The following EPRS1 variants were observed in gnomAD, a reference collection of about 807,000 sequenced individuals.
EPRS1 encodes the protein glutamyl-prolyl-tRNA synthetase 1, also known as bifunctional glutamate/proline--tRNA ligase.
In EPRS1, 107 loss-of-function variants were observed where a neutral mutation model predicts 188.3. That is an observed-to-expected ratio of 0.57 (90% CI 0.49 to 0.67). EPRS1 has a LOEUF of 0.67. Ranked by LOEUF, EPRS1 falls within the 30% of genes least tolerant of loss-of-function variation. EPRS1 has a pLI of 0.00. For synonymous variants in EPRS1, 596 were observed against 593.1 expected (o/e 1.00, Z -0.07); for missense variants, 1,577 against 1,802.2 (o/e 0.88, Z 2.26).
rs2102562251 is a variant in EPRS1, at chr1:219,978,630, T to C, written c.3999A>G (p.Arg1333=). 1 of 1,612,790 alleles carries C rather than the reference T, an allele frequency of 6.2e-7. No homozygotes were observed. ...TAACGCGGATGTTAACACTGAGTAA[T>C]CGCCTTCGATAATCATTGCATTTTG... is the stretch of plus-strand genomic sequence containing the variant. ...LIAKCNDYRR[R]LLSVNIRVRA... Residue 1333 remains arginine, a synonymous_variant, in exon 28 of 32, where the codon CGA becomes CGG. Transcript: ENST00000366923.
chr1:220,046,426 G>A lies in EPRS1; in HGVS notation c.-38C>T, dbSNP rs747690999. The A allele has an allele frequency of 3.1e-6, 5 of 1,613,076 alleles. No homozygotes were observed. Among genetic ancestry groups the A allele is most frequent in the Non-Finnish European group, 3.4e-6 (4 of 1,179,730 alleles). The stretch of plus-strand genomic sequence containing the variant: ...GCTGGTCCACCTGTCAGTACGCCTG[G>A]CTCGTGCCAGAACTACGGAGGACCC... On this transcript the variant is annotated 5_prime_UTR_variant, in exon 1 of 32. Coordinates refer to ENST00000366923, the MANE Select transcript of EPRS1 (RefSeq NM_004446.3).
At chr1:220,000,806 G>T (rs1661335734) in intron 17 of EPRS1, among the ~76,000 whole-genome samples, 1 of 152,004 alleles carries the variant, frequency 6.6e-6, no homozygotes, top group Non-Finnish European at 1.5e-5. Flanking sequence ...CATGGCAAAA[G>T]CCTGTCTCTA....
chr1:220,021,347 C>T (rs1661874892), intron 9 of EPRS1, among the ~76,000 whole-genome samples: 1 of 151,992 alleles, frequency 6.6e-6, no homozygotes, highest in African/African-American at 2.4e-5. Context: ...TGCCACCATA[C>T]CTGGCTAGTT....
chr1:219,968,821 A>G lies in EPRS1; in HGVS notation c.4524T>C (p.Phe1508=), dbSNP rs1461654685. 6.2e-7 allele frequency: 1 copy of G among 1,614,168 alleles called. No homozygotes were observed. Among genetic ancestry groups the G allele is most frequent in the African/African-American group, 1.3e-5 (1 of 75,040 alleles). ...GKNPAKYYTL[F]GRSY ...CGTTCATCCCTCAGTAGCTGCGACCAAATAAGGTGTAGTACTTGGCAGGGT... is the reference window on the plus strand; with the variant it reads ...CGTTCATCCCTCAGTAGCTGCGACCGAATAAGGTGTAGTACTTGGCAGGGT... The change falls in exon 32 of 32, where the codon TTT becomes TTC. Residue 1508 remains phenylalanine (F), a synonymous_variant. Transcript: ENST00000366923.
chr1:219,989,068 A>G (rs1325107495), intron 18 of EPRS1, among the ~76,000 whole-genome samples: 1 of 152,184 alleles, frequency 6.6e-6, no homozygotes, highest in South Asian at 2.1e-4. Context: ...TACTTAAGTA[A>G]ACAGACAAAT....
At chr1:220,008,318 C>T (rs12140664) in intron 13 of EPRS1, among the ~76,000 whole-genome samples, 95,288 of 151,414 alleles carry the variant, frequency 0.63, 31,824 homozygotes, top group Non-Finnish European at 0.75. Flanking sequence ...AATTTTCTGC[C>T]TTTCTAGTGT....
intron 12 of EPRS1, among the ~76,000 whole-genome samples, chr1:220,013,518 G>GA (rs898263108): frequency 8.8e-5 from 13 of 146,980 alleles, no homozygotes; most frequent in African/African-American, 1.5e-4. Flanking sequence ...AACCTGCTTT[G>GA]AAAAAAAAAA....
chr1:220,032,780 C>A lies in EPRS1; in HGVS notation c.389-254G>T, dbSNP rs184744204. ...AGCTGGGCATGCTGGTTTCTTGGGA[C>A]CTGGTGAGGGTGGATGATTACAAAG... On this transcript the variant is annotated intron_variant, in intron 4 of 31. Transcript: ENST00000366923. Among the ~76,000 whole-genome samples the A allele has an allele frequency of 5.3e-5, 8 of 151,930 alleles. No individual in the cohort carries two copies. The East Asian group carries it at 1.5e-3, about 29-fold the overall frequency.
intron 13 of EPRS1, among the ~76,000 whole-genome samples, chr1:220,010,533 C>T (rs1399683599): frequency 6.6e-6 from 1 of 152,068 alleles, no homozygotes; most frequent in African/African-American, 2.4e-5. Context: ...TCATCTCAGC[C>T]TGGCGCAGTG....
intron 14 of EPRS1, 84 bp downstream of exon 14, chr1:220,007,118 C>G: frequency 8.1e-7 from 1 of 1,240,248 alleles, no homozygotes; most frequent in East Asian, 2.5e-5. Flanking sequence ...ATGTATGGGT[C>G]TGAATTTGGT....
chr1:220,024,691 T>C (rs1380661509), intron 7 of EPRS1, among the ~76,000 whole-genome samples: 1 of 152,208 alleles, frequency 6.6e-6, no homozygotes, highest in African/African-American at 2.4e-5. Flanking sequence ...GAGTTTTCCA[T>C]TTACTTTGGA....
At chr1:220,033,753 T>G (rs952629747) in intron 3 of EPRS1, 95 bp from the exon 4 acceptor site, 2 of 793,342 alleles carry the variant, frequency 2.5e-6, no homozygotes, top group Admixed American at 4.7e-5. Context: ...AGAGCAACAG[T>G]ACACTCTTAC....
intron 13 of EPRS1, among the ~76,000 whole-genome samples, chr1:220,007,786 C>A (rs1393539517): frequency 1.3e-5 from 2 of 152,158 alleles, no homozygotes; most frequent in Non-Finnish European, 2.9e-5. Context: ...ACTGCTTCGC[C>A]GGGCATGGTG....
At chr1:220,033,421 A>G (rs1157894257) in intron 4 of EPRS1, 81 bp downstream of exon 4, 2 of 1,015,442 alleles carry the variant, frequency 2.0e-6, no homozygotes, top group Non-Finnish European at 3.0e-6. Context: ...ACATACATGC[A>G]TACACACAGA....
chr1:219,973,327 A>T lies in EPRS1; in HGVS notation c.4155T>A (p.Asp1385Glu), dbSNP rs773357123. Residue 1385 changes from aspartate (D) to glutamate (E), a missense_variant, in exon 29 of 32, where the codon GAT becomes GAA. Physicochemically the swap from Asp to Glu is conservative, Grantham distance 45. Around this residue, in one of 3 missense-constraint regions of EPRS1, gnomAD observed 296 missense variants for 327.9 expected, o/e 0.90. Transcript: ENST00000366923. The part of the protein sequence containing the change: ...KSCQFVAVRR[D>E]TGEKLTVAEN... ...CAGCAACTGTCAGCTTTTCTCCAGT[A>T]TCTCGTCTGACGGCTACAAACTGAC... The T allele has an allele frequency of 1.2e-6, 2 of 1,612,750 alleles. No homozygotes were observed. The highest frequency in any genetic ancestry group is 1.7e-6 in the Non-Finnish European group (2 of 1,179,774).
At chr1:220,018,178 T>C (rs1344408646) in intron 12 of EPRS1, 1 of 1,407,992 alleles carries the variant, frequency 7.1e-7, no homozygotes, top group Non-Finnish European at 9.4e-7. Context: ...TGCAGAGTGT[T>C]CATAAAAAAT....
intron 8 of EPRS1, 54 bp from the exon 9 acceptor site, chr1:220,022,572 T>C: frequency 1.4e-5 from 19 of 1,349,250 alleles, no homozygotes; most frequent in Non-Finnish European, 1.9e-5. Flanking sequence ...TTCAAATTAT[T>C]CTCATAGTGC....
chr1:219,991,213 G>A, intron 18 of EPRS1, among the ~76,000 whole-genome samples: 1 of 131,482 alleles, frequency 7.6e-6, no homozygotes, highest in African/African-American at 2.9e-5. Context: ...TCTCCATGGG[G>A]AAAGGAGTGA....
chr1:220,045,394 C>T (rs1254457421), intron 1 of EPRS1, among the ~76,000 whole-genome samples: 2 of 152,010 alleles, frequency 1.3e-5, no homozygotes, highest in Non-Finnish European at 2.9e-5. Flanking sequence ...GTCCCAGCTA[C>T]TAAGGAGGCT....
Sources: gnomAD v4.1 joint callset for allele counts (sites outside exome capture counted in the v4.1 genomes callset) on GRCh38, gnomAD v4.1.1 for gene constraint, gnomAD v4.1.1 regional missense constraint, MANE v1.5 for transcripts, NCBI Gene and HGNC (gene_info 2026-07-23, HGNC 2026-07-21) for gene names.